The following NSMCE2 variants were observed in gnomAD, a reference collection of about 807,000 sequenced individuals.
NSMCE2 encodes E3 SUMO-protein ligase NSE2.
In NSMCE2, 24 loss-of-function variants were observed where a neutral mutation model predicts 23.8. The ratio of observed to expected loss-of-function variants is 1.01; its 90% CI spans 0.73 to 1.42. The LOEUF (loss-of-function observed/expected upper bound fraction) is 1.42. Ranked by LOEUF, NSMCE2 falls within the 40% of genes most tolerant of loss-of-function variation. The probability of loss-of-function intolerance (pLI) is 0.00; values close to 1 mark genes in which losing one functional copy is unlikely to be tolerated. For synonymous variants in NSMCE2, 92 were observed against 94.1 expected (o/e 0.98, Z 0.13); for missense variants, 284 against 296.5 (o/e 0.96, Z 0.31).
intron 3 of NSMCE2, among the ~76,000 whole-genome samples, chr8:125,146,920 A>C (rs1820713390): frequency 6.6e-6 from 1 of 152,108 alleles, no homozygotes; most frequent in Non-Finnish European, 1.5e-5. Flanking sequence ...AAAAAAACAA[A>C]CTACCTAACT....
intron 5 of NSMCE2, among the ~76,000 whole-genome samples, chr8:125,322,495 A>G (rs1247552259): frequency 2.0e-5 from 3 of 152,236 alleles, no homozygotes; most frequent in Non-Finnish European, 4.4e-5. Flanking sequence ...ATGAGCATCT[A>G]TGAAAAGCCT....
chr8:125,216,013 C>T (rs139714489), intron 5 of NSMCE2, among the ~76,000 whole-genome samples: 2 of 152,218 alleles, frequency 1.3e-5, no homozygotes, highest in Non-Finnish European at 2.9e-5. Flanking sequence ...GATTGTGCCA[C>T]TGCACTCCAG....
At chr8:125,134,722 CTTTTTTTTTTTT>C (rs34284298) in intron 3 of NSMCE2, among the ~76,000 whole-genome samples, 7 of 117,730 alleles carry the variant, frequency 5.9e-5, no homozygotes, top group Non-Finnish European at 1.2e-4. Context: ...TAACGGATTC[CTTTTTTTTTTTT>C]TTTTTTTTTA....
chr8:125,120,320 T>C (rs1451022223), intron 3 of NSMCE2, among the ~76,000 whole-genome samples: 1 of 152,198 alleles, frequency 6.6e-6, no homozygotes. Context: ...TTTTGGAGAG[T>C]ACTCAAATCA....
At chr8:125,352,306 C>T (rs1813069887) in intron 5 of NSMCE2, among the ~76,000 whole-genome samples, 3 of 151,940 alleles carry the variant, frequency 2.0e-5, no homozygotes, top group South Asian at 2.1e-4. Flanking sequence ...GGAGAAACCC[C>T]GTCTCTACTA....
At chr8:125,128,914 A>G (rs2130547572) in intron 3 of NSMCE2, among the ~76,000 whole-genome samples, 1 of 152,266 alleles carries the variant, frequency 6.6e-6, no homozygotes. Flanking sequence ...TCTTATTTCC[A>G]TCTATAATCT....
At chr8:125,364,416 A>G (rs1045835661) in intron 7 of NSMCE2, among the ~76,000 whole-genome samples, 1 of 152,048 alleles carries the variant, frequency 6.6e-6, no homozygotes, top group African/African-American at 2.4e-5. Flanking sequence ...CCCATGACCA[A>G]CTTTCTTTCC....
intron 3 of NSMCE2, among the ~76,000 whole-genome samples, chr8:125,116,265 G>T (rs941774401): frequency 6.6e-6 from 1 of 152,068 alleles, no homozygotes; most frequent in Non-Finnish European, 1.5e-5. Flanking sequence ...GCTAACAAAT[G>T]GCAGAACATT....
At chr8:125,269,694 T>C (rs985139231) in intron 5 of NSMCE2, among the ~76,000 whole-genome samples, 5 of 152,228 alleles carry the variant, frequency 3.3e-5, no homozygotes, top group Non-Finnish European at 5.9e-5. Flanking sequence ...TGATTAAACC[T>C]ATAAGCTTGG....
chr8:125,349,410 A>G (rs1812935722), intron 5 of NSMCE2, among the ~76,000 whole-genome samples: 1 of 152,160 alleles, frequency 6.6e-6, no homozygotes, highest in Non-Finnish European at 1.5e-5. Flanking sequence ...TATTTTCTTC[A>G]TATGCTACTT....
At chr8:125,310,786 T>TA (rs1828946995) in intron 5 of NSMCE2, among the ~76,000 whole-genome samples, 1 of 152,232 alleles carries the variant, frequency 6.6e-6, no homozygotes, top group Non-Finnish European at 1.5e-5. Flanking sequence ...CCATGCTCAT[T>TA]TACCGAGGAG....
intron 4 of NSMCE2, among the ~76,000 whole-genome samples, chr8:125,173,557 T>TCATA (rs1822328778): frequency 6.6e-6 from 1 of 152,198 alleles, no homozygotes; most frequent in Non-Finnish European, 1.5e-5. Context: ...TCCATTAGCA[T>TCATA]CATACCATCA....
At chr8:125,290,465 A>G (rs891955133) in intron 5 of NSMCE2, among the ~76,000 whole-genome samples, 8 of 149,568 alleles carry the variant, frequency 5.3e-5, no homozygotes, top group Non-Finnish European at 8.9e-5. Flanking sequence ...CATGACTTGC[A>G]TTTTTTTTTT....
At chr8:125,247,183 A>AT in intron 5 of NSMCE2, among the ~76,000 whole-genome samples, 1 of 151,574 alleles carries the variant, frequency 6.6e-6, no homozygotes, top group African/African-American at 2.4e-5. Context: ...CAAAAAAAAA[A>AT]TTAGCTGGGA....
intron 5 of NSMCE2, among the ~76,000 whole-genome samples, chr8:125,210,762 G>A (rs990623113): frequency 6.6e-6 from 1 of 152,032 alleles, no homozygotes; most frequent in Non-Finnish European, 1.5e-5. Context: ...TGCCAAGGCT[G>A]GAGTGCAGTG....
intron 5 of NSMCE2, among the ~76,000 whole-genome samples, chr8:125,265,138 G>T (rs1404517871): frequency 7.2e-6 from 1 of 139,368 alleles, no homozygotes; most frequent in East Asian, 2.1e-4. Flanking sequence ...CAGCTGCAAG[G>T]TTGGATCCTG....
intron 4 of NSMCE2, among the ~76,000 whole-genome samples, chr8:125,161,201 T>C (rs556202148): frequency 7.9e-5 from 12 of 152,306 alleles, no homozygotes; most frequent in South Asian, 2.1e-4. Context: ...AGCATCAAGT[T>C]TCTGGTAATG....
intron 5 of NSMCE2, among the ~76,000 whole-genome samples, chr8:125,333,447 C>T (rs1182446497): frequency 6.7e-6 from 1 of 149,094 alleles, no homozygotes; most frequent in Admixed American, 6.7e-5. Context: ...ACTGAGATTA[C>T]AGGTGCAAGC....
At position 125,204,661 on chromosome 8, in the gene NSMCE2, C is replaced by T. The variant is rs376045445; in HGVS notation, c.418+22405C>T. ...TGTAGAGCACAGGGGTTTTACTTTA[C>T]ATTTACCAAAAGCAGAAAATTCCTA... On this transcript the variant is annotated intron_variant, in intron 5 of 7. Coordinates refer to ENST00000287437, the MANE Select transcript of NSMCE2 (RefSeq NM_173685.4). Among the ~76,000 whole-genome samples the T allele has an allele frequency of 2.0e-4, 31 of 152,272 alleles. No homozygotes were observed. The East Asian group carries it at 2.5e-3, about 12-fold the overall frequency.
Sources: gnomAD v4.1 joint callset for allele counts (sites outside exome capture counted in the v4.1 genomes callset) on GRCh38, gnomAD v4.1.1 for gene constraint, MANE v1.5 for transcripts, NCBI Gene and HGNC (gene_info 2026-07-23, HGNC 2026-07-21) for gene names.